The following MGST2 variants were observed in gnomAD, a reference collection of about 807,000 sequenced individuals.
The protein encoded by MGST2 is microsomal glutathione S-transferase 2.
MGST2 carries 9 observed loss-of-function variants against 16.6 expected under a neutral mutation model. The observed-to-expected ratio is 0.54, with a 90% CI of 0.33 to 0.95. The LOEUF (loss-of-function observed/expected upper bound fraction) is 0.95. Among genes scored for constraint, MGST2 ranks in the 40% least tolerant of loss-of-function variants. The probability of loss-of-function intolerance (pLI) is 0.03; values close to 1 mark genes in which losing one functional copy is unlikely to be tolerated. For missense variants in MGST2, 159 were observed against 175.1 expected, an observed-to-expected ratio of 0.91 and a Z score of 0.52; for synonymous variants, 79 against 68.0, an observed-to-expected ratio of 1.16 and a Z score of -0.79.
At chr4:139,716,322 T>TGACA (rs1473169314) in intron 5 of MGST2, among the ~76,000 whole-genome samples, 1 of 152,214 alleles carries the variant, frequency 6.6e-6, no homozygotes, top group Non-Finnish European at 1.5e-5. Context: ...GGCTGTTTAC[T>TGACA]GACAGTGCTC....
At chr4:139,726,018 C>T (rs1261642314) in intron 5 of MGST2, among the ~76,000 whole-genome samples, 3 of 152,294 alleles carry the variant, frequency 2.0e-5, no homozygotes, top group African/African-American at 4.8e-5. Flanking sequence ...TTTCACAAAA[C>T]GAACACACTC....
chr4:139,698,548 G>C (rs575158283), intron 3 of MGST2: 4 of 965,772 alleles, frequency 4.1e-6, no homozygotes, highest in Non-Finnish European at 6.6e-6. Context: ...TGCTTTGTAC[G>C]AGCCATGGTA....
exon 6 of MGST2, chr4:139,740,574 G>C (rs1483512906): frequency 6.6e-6 from 1 of 151,954 alleles, no homozygotes; most frequent in African/African-American, 2.4e-5. Flanking sequence ...CCCCCAACCC[G>C]AGCCTTTCTC....
rs550607853 is a variant in MGST2, at chr4:139,715,253, A to G, written c.*48+11057A>G. 6.6e-6 allele frequency among the ~76,000 whole-genome samples: 1 copy of G among 152,256 alleles called. No individual in the cohort carries two copies. The highest frequency in any genetic ancestry group is 2.4e-5 in the African/African-American group (1 of 41,552). On this transcript the variant is annotated intron_variant, in intron 5 of 5. Coordinates refer to the MGST2 transcript ENST00000616265. This position sits in a 1 kb window ranked among gnomAD's most constrained non-coding sequence, Gnocchi z 4.4. ...CCCACCACTTACCCAAAGTCTTCCA[A>G]TCAGTGCTGCAGTCTATTTCCTTTG...
chr4:139,686,208 T>G (rs1213788896), intron 2 of MGST2, among the ~76,000 whole-genome samples: 1 of 152,234 alleles, frequency 6.6e-6, no homozygotes, highest in Non-Finnish European at 1.5e-5. Context: ...TTTAAAATTT[T>G]TCCTGGTTGA....
chr4:139,711,145 C>G (rs549276410), intron 5 of MGST2, among the ~76,000 whole-genome samples: 1 of 152,040 alleles, frequency 6.6e-6, no homozygotes, highest in East Asian at 1.9e-4. Flanking sequence ...TCCTGAGTAG[C>G]TGGGACTACA....
intron 2 of MGST2, among the ~76,000 whole-genome samples, chr4:139,684,467 G>T (rs1731441795): frequency 6.6e-6 from 1 of 152,154 alleles, no homozygotes; most frequent in Admixed American, 6.6e-5. Context: ...TCTGAATAAA[G>T]GAGATCTTAG....
chr4:139,684,894 C>T (rs980538814), intron 2 of MGST2, among the ~76,000 whole-genome samples: 3 of 152,260 alleles, frequency 2.0e-5, no homozygotes, highest in African/African-American at 7.2e-5. Context: ...CCTCCCACCT[C>T]CTGTGATGGG....
At chr4:139,689,836 C>T (rs112042135) in intron 2 of MGST2, among the ~76,000 whole-genome samples, 3 of 152,258 alleles carry the variant, frequency 2.0e-5, no homozygotes, top group African/African-American at 7.2e-5. Context: ...GTTCGTTGGA[C>T]ACGGTCAAAT....
rs1406696353 is a variant in MGST2 at position 139,723,886 on chromosome 4, C to T, written c.*49-16326C>T. Among the ~76,000 whole-genome samples, 4 of 152,148 alleles carry T rather than the reference C, an allele frequency of 2.6e-5. No individual in the cohort carries two copies. The East Asian group carries it at 7.7e-4, about 29-fold the overall frequency. On this transcript the variant is annotated intron_variant, in intron 5 of 5. Transcript: ENST00000616265. ...TTGTAAAAAATGCAGATTCTCAAGC[C>T]CCGCTTCAGATTTACTGAATCAGAA...
chr4:139,750,599 C>G, the MGST2 span, among the ~76,000 whole-genome samples: 1 of 152,200 alleles, frequency 6.6e-6, no homozygotes, highest in Non-Finnish European at 1.5e-5. Context: ...GGAATTCACT[C>G]CTCCATTGTT....
intron 5 of MGST2, chr4:139,720,311 T>G (rs1728184630): frequency 6.5e-7 from 1 of 1,534,522 alleles, no homozygotes; most frequent in Non-Finnish European, 8.8e-7. Flanking sequence ...GGCTGCTATA[T>G]CCTGGGGAGA....
At position 139,727,029 on chromosome 4, in the gene MGST2, G is replaced by C. The variant is rs188440391; in HGVS notation, c.*49-13183G>C. Among the ~76,000 whole-genome samples, 18 of 152,264 alleles carry C rather than the reference G, an allele frequency of 1.2e-4. No individual in the cohort carries two copies. In the East Asian group the frequency reaches 3.5e-3, roughly 29 times the overall value. ...AAGGGCTATAAAGAATATACAACAAGGTCCCTGTTCTTTAGAGTGTTCATT... is the reference window on the plus strand; with the variant it reads ...AAGGGCTATAAAGAATATACAACAACGTCCCTGTTCTTTAGAGTGTTCATT... On this transcript the variant is annotated intron_variant, in intron 5 of 5. Coordinates refer to the MGST2 transcript ENST00000616265.
At chr4:139,671,936 C>T (rs1730713419) in intron 1 of MGST2, among the ~76,000 whole-genome samples, 1 of 152,168 alleles carries the variant, frequency 6.6e-6, no homozygotes, top group African/African-American at 2.4e-5. Flanking sequence ...ACTACCGCAC[C>T]TGGCCCCACT....
At chr4:139,697,024 T>G (rs1726963306) in intron 3 of MGST2, among the ~76,000 whole-genome samples, 1 of 152,134 alleles carries the variant, frequency 6.6e-6, no homozygotes, top group South Asian at 2.1e-4. Flanking sequence ...AAAAGAATGT[T>G]AGAAGGTAAT....
chr4:139,697,166 G>C (rs1316821305), intron 3 of MGST2, among the ~76,000 whole-genome samples: 3 of 152,094 alleles, frequency 2.0e-5, no homozygotes, highest in Non-Finnish European at 4.4e-5. Flanking sequence ...GGCTCAGGGG[G>C]TTAGCAACTT....
chr4:139,709,421 T>C lies in MGST2; in HGVS notation c.*48+5225T>C, dbSNP rs1727656587. On this transcript the variant is annotated intron_variant, in intron 5 of 5. Coordinates refer to the MGST2 transcript ENST00000616265. Reference sequence around the variant, plus strand: ...AATTTAAGCATGGAATACAGATAGATGATATTAGGGAATTAATGTTAATTG... The same window carrying C: ...AATTTAAGCATGGAATACAGATAGACGATATTAGGGAATTAATGTTAATTG... Among the ~76,000 whole-genome samples, 3 of 152,100 alleles carry C rather than the reference T, an allele frequency of 2.0e-5. No individual in the cohort carries two copies. In the South Asian group the frequency reaches 6.2e-4, roughly 32 times the overall value.
At chr4:139,695,647 T>C (rs542778353) in intron 3 of MGST2, among the ~76,000 whole-genome samples, 2 of 152,166 alleles carry the variant, frequency 1.3e-5, no homozygotes, top group East Asian at 3.9e-4. Flanking sequence ...GGAGCAGATA[T>C]GCAACTATAT....
chr4:139,745,883 G>A, the MGST2 span, among the ~76,000 whole-genome samples: 1 of 152,236 alleles, frequency 6.6e-6, no homozygotes, highest in Non-Finnish European at 1.5e-5. Context: ...AAAGATGGCA[G>A]GCAGTAACAG....
Sources: gnomAD v4.1 joint callset for allele counts (sites outside exome capture counted in the v4.1 genomes callset) on GRCh38, gnomAD v4.1.1 for gene constraint, Gnocchi (gnomAD v3.1) non-coding constraint, MANE v1.5 for transcripts, NCBI Gene and HGNC (gene_info 2026-07-23, HGNC 2026-07-21) for gene names.